The following TAFA2 variants were observed in gnomAD, a reference collection of about 807,000 sequenced individuals.
TAFA2 encodes chemokine-like protein TAFA-2.
In TAFA2, 7 loss-of-function variants were observed where a neutral mutation model predicts 18.8. The observed-to-expected ratio is 0.37, with a 90% CI of 0.21 to 0.70. The LOEUF is 0.70. Ranked by LOEUF, TAFA2 falls within the 30% of genes least tolerant of loss-of-function variation. The probability of loss-of-function intolerance (pLI) is 0.53; values close to 1 mark genes in which losing one functional copy is unlikely to be tolerated. For missense variants in TAFA2, 122 were observed against 158.1 expected (o/e 0.77, Z 1.23); for synonymous variants, 60 against 54.2 (o/e 1.11, Z -0.47).
intron 1 of TAFA2, among the ~76,000 whole-genome samples, chr12:62,200,333 C>T (rs944381945): frequency 6.6e-6 from 1 of 152,086 alleles, no homozygotes; most frequent in Non-Finnish European, 1.5e-5. Context: ...TTTGCCCGTG[C>T]CTATGTACTA....
chr12:62,212,258 C>T (rs2062716969), intron 1 of TAFA2, among the ~76,000 whole-genome samples: 1 of 152,118 alleles, frequency 6.6e-6, no homozygotes, highest in South Asian at 2.1e-4. Flanking sequence ...CAAAATATCC[C>T]AGACCCAAAA....
At chr12:61,944,964 C>A (rs2121433664) in intron 1 of TAFA2, among the ~76,000 whole-genome samples, 1 of 149,380 alleles carries the variant, frequency 6.7e-6, no homozygotes, top group South Asian at 2.2e-4. Context: ...ATGAGGCCAG[C>A]ATCATTCTGA....
chr12:62,050,895 A>G (rs531886899), intron 1 of TAFA2, among the ~76,000 whole-genome samples: 9 of 152,162 alleles, frequency 5.9e-5, no homozygotes, highest in Non-Finnish European at 1.2e-4. Flanking sequence ...AGTGCTGGTT[A>G]TCAAACCTTT....
intron 1 of TAFA2, among the ~76,000 whole-genome samples, chr12:62,051,931 A>G (rs1882064778): frequency 6.6e-6 from 1 of 152,130 alleles, no homozygotes. Context: ...CTCTGTTGCA[A>G]CTACTAAGTC....
intron 2 of TAFA2, among the ~76,000 whole-genome samples, chr12:61,792,837 C>G (rs567474203): frequency 1.1e-4 from 17 of 151,510 alleles, no homozygotes; most frequent in Admixed American, 7.2e-4. Context: ...TTAAACACCT[C>G]TATCTTTAAA....
intron 1 of TAFA2, among the ~76,000 whole-genome samples, chr12:62,167,011 A>G (rs2062444997): frequency 6.6e-6 from 1 of 152,214 alleles, no homozygotes; most frequent in Non-Finnish European, 1.5e-5. Flanking sequence ...CTGTAAAAAA[A>G]TGACTTAGCG....
chr12:62,073,471 T>A (rs1157961495), intron 1 of TAFA2, among the ~76,000 whole-genome samples: 1 of 150,874 alleles, frequency 6.6e-6, no homozygotes, highest in Non-Finnish European at 1.5e-5. Context: ...TTGAGGTAGG[T>A]GTTATATTAT....
intron 1 of TAFA2, among the ~76,000 whole-genome samples, chr12:62,190,653 A>C (rs1030012472): frequency 2.6e-5 from 4 of 152,126 alleles, no homozygotes; most frequent in Admixed American, 6.5e-5. Context: ...ATCTAAATAA[A>C]CCTTACATAG....
chr12:61,793,085 C>T (rs1871049535), intron 2 of TAFA2, among the ~76,000 whole-genome samples: 2 of 151,192 alleles, frequency 1.3e-5, no homozygotes, highest in Admixed American at 1.3e-4. Flanking sequence ...TAAATGAAAA[C>T]AAAAATAAAA....
At chr12:61,820,700 G>C (rs1443331817) in intron 2 of TAFA2, among the ~76,000 whole-genome samples, 2 of 151,896 alleles carry the variant, frequency 1.3e-5, no homozygotes, top group East Asian at 3.9e-4. Flanking sequence ...AAAAAACAAA[G>C]TGAAAAGAAC....
intron 1 of TAFA2, among the ~76,000 whole-genome samples, chr12:62,013,286 A>G (rs964375823): frequency 2.6e-5 from 4 of 152,178 alleles, no homozygotes; most frequent in African/African-American, 9.7e-5. Flanking sequence ...ATAGAAATCA[A>G]TGCCTGCCAG....
intron 1 of TAFA2, among the ~76,000 whole-genome samples, chr12:62,011,738 G>T (rs1275730231): frequency 3.2e-5 from 4 of 123,362 alleles, no homozygotes; most frequent in Non-Finnish European, 5.0e-5. Context: ...ACCCAAGAAT[G>T]ATCAATAAAT....
chr12:62,019,602 C>A (rs1881055948), intron 1 of TAFA2, among the ~76,000 whole-genome samples: 1 of 146,302 alleles, frequency 6.8e-6, no homozygotes, highest in Admixed American at 7.3e-5. Flanking sequence ...TTCTCACTCA[C>A]AGGTGGGAAT....
intron 1 of TAFA2, among the ~76,000 whole-genome samples, chr12:61,911,805 G>C (rs1022430661): frequency 6.6e-6 from 1 of 152,154 alleles, no homozygotes; most frequent in Non-Finnish European, 1.5e-5. Flanking sequence ...AAACATCACA[G>C]TAATAGCCAG....
intron 2 of TAFA2, among the ~76,000 whole-genome samples, chr12:61,825,294 T>A (rs1565647009): frequency 6.6e-6 from 1 of 152,114 alleles, no homozygotes; most frequent in Non-Finnish European, 1.5e-5. Context: ...GCACAGCAAC[T>A]GATTGTGTGA....
intron 2 of TAFA2, among the ~76,000 whole-genome samples, chr12:61,764,237 TA>T (rs1280787854): frequency 1.4e-5 from 2 of 140,822 alleles, no homozygotes; most frequent in Admixed American, 6.8e-5. Context: ...GATTGATAGA[TA>T]GATAGATAGA....
Position 62,034,051 on chromosome 12 carries a change from A to G in TAFA2, c.-2+157208T>C, listed in dbSNP as rs367934519. Among the ~76,000 whole-genome samples, 7 of 152,338 alleles carry G rather than the reference A, an allele frequency of 4.6e-5. 1 individual carries two copies. The highest frequency in any genetic ancestry group is 6.5e-5 in the Admixed American group (1 of 15,306). Reference sequence around the variant, plus strand: ...ACTGAATAATATGCACAAGAGAGAAAGAGGTTGGGGGAAAAAGAGTGGAAG... The same window carrying G: ...ACTGAATAATATGCACAAGAGAGAAGGAGGTTGGGGGAAAAAGAGTGGAAG... On this transcript the variant is annotated intron_variant, in intron 1 of 4. Transcript: ENST00000416284.
intron 4 of TAFA2, among the ~76,000 whole-genome samples, chr12:61,722,306 C>T (rs1177484489): frequency 6.6e-6 from 1 of 152,090 alleles, no homozygotes; most frequent in African/African-American, 2.4e-5. Flanking sequence ...GTAATTAGAA[C>T]AGGCCCCTGT....
intron 1 of TAFA2, among the ~76,000 whole-genome samples, chr12:61,900,724 C>T (rs1322348884): frequency 2.0e-5 from 3 of 152,098 alleles, no homozygotes; most frequent in Admixed American, 2.0e-4. Context: ...ATGAGAACTA[C>T]AATTCAAGAT....
Sources: gnomAD v4.1 joint callset for allele counts (sites outside exome capture counted in the v4.1 genomes callset) on GRCh38, gnomAD v4.1.1 for gene constraint, MANE v1.5 for transcripts, NCBI Gene and HGNC (gene_info 2026-07-23, HGNC 2026-07-21) for gene names.